The following API5 variants were observed in gnomAD, a reference collection of about 807,000 sequenced individuals.
API5 encodes apoptosis inhibitor 5, also known as FIF.
API5 carries 6 observed loss-of-function variants against 71.9 expected under a neutral mutation model. The observed-to-expected ratio is 0.08, with a 90% CI of 0.05 to 0.16. The LOEUF is 0.16. Among genes scored for constraint, API5 ranks in the 10% least tolerant of loss-of-function variants. The pLI, the probability that API5 is intolerant of heterozygous loss-of-function variation, is 1.00. For synonymous variants in API5, 189 were observed against 221.3 expected (o/e 0.85, Z 1.30); for missense variants, 332 against 612.8 (o/e 0.54, Z 4.84).
intron 11 of API5, among the ~76,000 whole-genome samples, chr11:43,334,455 T>C (rs964312366): frequency 2.6e-5 from 4 of 152,168 alleles, no homozygotes; most frequent in Non-Finnish European, 5.9e-5. Context: ...CCCTACTTTA[T>C]ATAGTACGCT....
chr11:43,318,419 A>G (rs1482909290), intron 1 of API5: 1 of 1,531,436 alleles, frequency 6.5e-7, no homozygotes, highest in Non-Finnish European at 8.7e-7. Flanking sequence ...ACTTAAAATT[A>G]GACTCATCCA....
Position 43,326,559 on chromosome 11 carries a change from C to G in API5, c.803C>G (p.Pro268Arg), listed in dbSNP as rs370568717. ...FVTYFCEQVL[P>R]NLGTLTTPVE... ...ACATATTTCTGTGAGCAGGTTCTCCCTAACCTCGGTACCTTGACTACCCCA... is the reference window on the plus strand; with the variant it reads ...ACATATTTCTGTGAGCAGGTTCTCCGTAACCTCGGTACCTTGACTACCCCA... The change falls in exon 7 of 14, where the codon CCT becomes CGT. Residue 268 changes from proline (P) to arginine (R), a missense_variant. Pro to Arg is a moderately radical substitution (Grantham distance 103, BLOSUM62 -2). Transcript: ENST00000531273. The G allele has an allele frequency of 9.6e-5, 154 of 1,611,190 alleles. No homozygotes were observed. The highest frequency in any genetic ancestry group is 1.3e-4 in the Non-Finnish European group (149 of 1,178,576).
At chr11:43,321,579 T>G (rs1431689703) in intron 4 of API5, 103 bp downstream of exon 4, 11 of 947,872 alleles carry the variant, frequency 1.2e-5, no homozygotes, top group Admixed American at 3.0e-5. Flanking sequence ...CAGAGTTCTA[T>G]TTCATAAAAA....
chr11:43,335,204 G>A (rs756010732), intron 11 of API5, 74 bp from the exon 12 acceptor site: 99 of 1,045,528 alleles, frequency 9.5e-5, no homozygotes, highest in Non-Finnish European at 1.2e-4. Flanking sequence ...ATCTGTCTTC[G>A]TTTCCTACCC....
chr11:43,313,234 C>A (rs889279547), intron 1 of API5, among the ~76,000 whole-genome samples: 7 of 151,954 alleles, frequency 4.6e-5, no homozygotes, highest in Non-Finnish European at 1.0e-4. Context: ...TCTGGAAGAG[C>A]TCTCTTAACG....
chr11:43,313,673 C>T (rs1034667136), intron 1 of API5, among the ~76,000 whole-genome samples: 13 of 151,046 alleles, frequency 8.6e-5, no homozygotes, highest in African/African-American at 3.2e-4. Context: ...GATTTTTTTT[C>T]CTTCATTCCC....
chr11:43,320,760 A>G, intron 2 of API5, 61 bp from the exon 3 acceptor site: 2 of 1,263,252 alleles, frequency 1.6e-6, no homozygotes, highest in Non-Finnish European at 2.3e-6. Flanking sequence ...GAAAAGAAAA[A>G]GCTGTTTGTT....
intron 1 of API5, among the ~76,000 whole-genome samples, chr11:43,314,125 T>C (rs1483168788): frequency 6.6e-6 from 1 of 151,750 alleles, no homozygotes; most frequent in South Asian, 2.1e-4. Context: ...ATACAAACTA[T>C]GTGTGGTCAA....
At chr11:43,317,484 T>TA (rs1854712135) in intron 1 of API5, among the ~76,000 whole-genome samples, 1 of 152,172 alleles carries the variant, frequency 6.6e-6, no homozygotes, top group African/African-American at 2.4e-5. Context: ...TCTGGCTATA[T>TA]GGAGTGAATT....
At chr11:43,321,931 A>G in intron 4 of API5, 54 bp from the exon 5 acceptor site, 1 of 1,500,874 alleles carries the variant, frequency 6.7e-7, no homozygotes, top group Non-Finnish European at 8.9e-7. Flanking sequence ...TAAATGGGAA[A>G]ACACCATTAC....
rs1855123281 is a variant in API5 at position 43,327,800 on chromosome 11, G to A, written c.867G>A (p.Leu289=). ...GLDIQLEVLK[L]LAEMSSFCGD... is the part of the protein sequence containing the mutation. ...ATTGTGTGTTTTAGGTATTGAAATTGTTGGCGGAGATGAGTTCATTTTGTG... is the reference window on the plus strand; with the variant it reads ...ATTGTGTGTTTTAGGTATTGAAATTATTGGCGGAGATGAGTTCATTTTGTG... The change falls in exon 8 of 14, where the codon TTG becomes TTA. Residue 289 remains leucine, a synonymous_variant. Transcript: ENST00000531273. 1.9e-6 allele frequency: 3 copies of A among 1,611,298 alleles called. No homozygotes were observed. Among genetic ancestry groups the A allele is most frequent in the Non-Finnish European group, 2.5e-6 (3 of 1,179,072 alleles).
intron 1 of API5, among the ~76,000 whole-genome samples, chr11:43,317,339 T>G (rs1304007484): frequency 6.6e-6 from 1 of 152,206 alleles, no homozygotes. Context: ...TGGGAACTTA[T>G]TGATTCCTCC....
intron 3 of API5, 41 bp from the exon 4 acceptor site, chr11:43,321,370 A>C: frequency 3.3e-6 from 5 of 1,510,676 alleles, no homozygotes; most frequent in Non-Finnish European, 4.6e-6. Context: ...TGATATTTTA[A>C]ATTTGTTTTA....
At chr11:43,334,808 G>A (rs557666024) in intron 11 of API5, among the ~76,000 whole-genome samples, 8 of 151,788 alleles carry the variant, frequency 5.3e-5, no homozygotes, top group African/African-American at 1.9e-4. Flanking sequence ...AGTTTTAGTG[G>A]TTTTTTTTGT....
chr11:43,324,949 G>T (rs976880130), intron 6 of API5, among the ~76,000 whole-genome samples: 2 of 152,088 alleles, frequency 1.3e-5, no homozygotes, highest in African/African-American at 2.4e-5. Flanking sequence ...AAAGTGCTAG[G>T]ATTACAGGCA....
chr11:43,341,984 C>CAA (rs532416293), intron 13 of API5, among the ~76,000 whole-genome samples: 2 of 137,134 alleles, frequency 1.5e-5, no homozygotes, highest in African/African-American at 2.7e-5. Flanking sequence ...CCTGTCTCTA[C>CAA]AAAAAAAAAA....
At chr11:43,312,506 A>G (rs1046884864) in intron 1 of API5, among the ~76,000 whole-genome samples, 1 of 151,894 alleles carries the variant, frequency 6.6e-6, no homozygotes, top group Non-Finnish European at 1.5e-5. Flanking sequence ...TCTCTACAGG[A>G]TTCTCTTAAG....
At chr11:43,321,313 T>C in intron 3 of API5, 98 bp from the exon 4 acceptor site, 3 of 1,010,288 alleles carry the variant, frequency 3.0e-6, no homozygotes. Flanking sequence ...TTCCTGTCAA[T>C]GTAACCTTGA....
intron 12 of API5, 115 bp from the exon 13 acceptor site, chr11:43,335,743 A>T: frequency 8.4e-7 from 1 of 1,194,600 alleles, no homozygotes; most frequent in Admixed American, 3.1e-5. Context: ...CTTTTTTCTG[A>T]TGAGATTATC....
Sources: gnomAD v4.1 joint callset for allele counts (sites outside exome capture counted in the v4.1 genomes callset) on GRCh38, gnomAD v4.1.1 for gene constraint, MANE v1.5 for transcripts, NCBI Gene and HGNC (gene_info 2026-07-23, HGNC 2026-07-21) for gene names.